CREB5: variants seen among roughly 807,000 people sequenced by gnomAD.
The protein encoded by CREB5 is cyclic AMP-responsive element-binding protein 5.
CREB5 carries 19 observed loss-of-function variants against 57.1 expected under a neutral mutation model. The observed-to-expected ratio is 0.33, with a 90% CI of 0.23 to 0.49. The LOEUF is 0.49. Ranked by LOEUF, CREB5 falls within the 20% of genes least tolerant of loss-of-function variation. CREB5 has a pLI of 0.99. For missense variants in CREB5, 579 were observed against 671.6 expected, an observed-to-expected ratio of 0.86 and a Z score of 1.52; for synonymous variants, 238 against 238.3, an observed-to-expected ratio of 1.00 and a Z score of 0.01.
Position 28,570,361 on chromosome 7 carries a change from G to A in CREB5, c.292-4G>A, listed in dbSNP as rs763592770. The A allele has an allele frequency of 6.2e-7, 1 of 1,611,094 alleles. No homozygotes were observed. Among genetic ancestry groups the A allele is most frequent in the South Asian group, 1.1e-5 (1 of 90,714 alleles). The stretch of plus-strand genomic sequence containing the variant: ...GACCTTTCCCCTGTGTCTTCTCTGG[G>A]CAGAATATCTCGATGCATAATGCAG... On this transcript the variant is annotated splice_polypyrimidine_tract_variant and splice_region_variant and intron_variant, in intron 4 of 10. Transcript: ENST00000357727.
chr7:28,747,156 C>T (rs761607205), intron 7 of CREB5, among the ~76,000 whole-genome samples: 3 of 151,792 alleles, frequency 2.0e-5, no homozygotes, highest in African/African-American at 4.8e-5. Flanking sequence ...TGAGGGTTGC[C>T]AGTGTGTATG....
At chr7:28,423,642 C>CTGTATTGGGGGATGG (rs1788369569) in intron 1 of CREB5, among the ~76,000 whole-genome samples, 1 of 150,558 alleles carries the variant, frequency 6.6e-6, no homozygotes, top group East Asian at 2.0e-4. Context: ...CTTTGTGGTG[C>CTGTATTGGGGGATGG]TGAATTGGGG....
chr7:28,329,873 AAAACC>A (rs1418616370), intron 1 of CREB5, among the ~76,000 whole-genome samples: 2 of 152,392 alleles, frequency 1.3e-5, no homozygotes, highest in Admixed American at 6.5e-5. Context: ...TCAGAGAAGT[AAAACC>A]AAACCAAACA....
At chr7:28,529,684 A>AAGTCAGAAG (rs996626519) in intron 4 of CREB5, among the ~76,000 whole-genome samples, 2 of 152,194 alleles carry the variant, frequency 1.3e-5, no homozygotes, top group African/African-American at 4.8e-5. Context: ...GAGGGAGAGC[A>AAGTCAGAAG]AGTCAGAAGG....
intron 7 of CREB5, among the ~76,000 whole-genome samples, chr7:28,756,316 G>A (rs1805293982): frequency 6.6e-6 from 1 of 152,118 alleles, no homozygotes. Flanking sequence ...ACTTTGGGAG[G>A]CCGAGGCGGG....
At chr7:28,627,297 G>A (rs1271798436) in intron 5 of CREB5, among the ~76,000 whole-genome samples, 1 of 152,216 alleles carries the variant, frequency 6.6e-6, no homozygotes, top group African/African-American at 2.4e-5. Context: ...AAGGCAACTT[G>A]GGACCTTGAT....
chr7:28,553,237 A>G (rs1794740800), intron 4 of CREB5, among the ~76,000 whole-genome samples: 1 of 152,200 alleles, frequency 6.6e-6, no homozygotes, highest in Non-Finnish European at 1.5e-5. Context: ...CAAATATATC[A>G]TGGGAGATGC....
intron 8 of CREB5, 38 bp downstream of exon 8, chr7:28,804,560 T>C: frequency 6.2e-7 from 1 of 1,602,636 alleles, no homozygotes; most frequent in South Asian, 1.1e-5. Context: ...CTTCTTATTC[T>C]CCTTCTTAAC....
intron 1 of CREB5, among the ~76,000 whole-genome samples, chr7:28,359,492 G>T (rs926549395): frequency 2.6e-5 from 4 of 152,116 alleles, no homozygotes; most frequent in African/African-American, 9.7e-5. Flanking sequence ...TTCAATAAAG[G>T]GTGTTGAGGA....
chr7:28,514,839 T>C (rs749276732), intron 4 of CREB5, among the ~76,000 whole-genome samples: 2 of 152,208 alleles, frequency 1.3e-5, no homozygotes, highest in Non-Finnish European at 2.9e-5. Flanking sequence ...ATGTCATGCC[T>C]GTGGCGGGTG....
At chr7:28,627,246 A>G (rs941036814) in intron 5 of CREB5, among the ~76,000 whole-genome samples, 6 of 152,252 alleles carry the variant, frequency 3.9e-5, no homozygotes, top group Admixed American at 3.9e-4. Flanking sequence ...CTGATAGCCC[A>G]GCATTTGATA....
chr7:28,350,392 T>C (rs1786163427), intron 1 of CREB5, among the ~76,000 whole-genome samples: 1 of 152,108 alleles, frequency 6.6e-6, no homozygotes, highest in South Asian at 2.1e-4. Flanking sequence ...ACTTTCCTTG[T>C]GGGAAAGCCC....
chr7:28,432,848 A>T (rs528520986), intron 1 of CREB5, among the ~76,000 whole-genome samples: 18 of 152,324 alleles, frequency 1.2e-4, no homozygotes, highest in African/African-American at 4.3e-4. Context: ...ACCAAAGATG[A>T]TCACATATGG....
intron 1 of CREB5, among the ~76,000 whole-genome samples, chr7:28,466,521 G>T (rs1790579261): frequency 6.6e-6 from 1 of 152,174 alleles, no homozygotes; most frequent in Non-Finnish European, 1.5e-5. Context: ...TTGTGGTGAG[G>T]ACTAAGTCAA....
intron 7 of CREB5, among the ~76,000 whole-genome samples, chr7:28,736,587 A>G (rs925113195): frequency 3.6e-4 from 55 of 152,184 alleles, no homozygotes; most frequent in African/African-American, 1.2e-3. Context: ...GACAGTGCCC[A>G]GGATCATTTA....
rs1436533604 is a variant in CREB5 at position 28,824,657 on chromosome 7, C to G, written c.*5378C>G. On this transcript the variant is annotated 3_prime_UTR_variant, in exon 11 of 11. Transcript: ENST00000357727. Reference sequence around the variant, plus strand: ...GTTGTGAAAATGAAAAAGTGAATGTCCATTCAAAATATTTTACTATTTCTT... The same window carrying G: ...GTTGTGAAAATGAAAAAGTGAATGTGCATTCAAAATATTTTACTATTTCTT... The G allele has an allele frequency of 6.6e-6, 1 of 152,556 alleles. No individual in the cohort carries two copies. Among genetic ancestry groups the G allele is most frequent in the Non-Finnish European group, 1.5e-5 (1 of 68,018 alleles). The allele number at this position is 152,556 out of a possible 1,614,324, so 9.5% of individuals were successfully genotyped here.
chr7:28,807,451 GA>G (rs939422743), intron 8 of CREB5, among the ~76,000 whole-genome samples: 1 of 151,970 alleles, frequency 6.6e-6, no homozygotes, highest in African/African-American at 2.4e-5. Flanking sequence ...TCCGTCTCAA[GA>G]AAAAAAGAAA....
At chr7:28,435,040 T>A (rs1242649877) in intron 1 of CREB5, among the ~76,000 whole-genome samples, 7 of 151,506 alleles carry the variant, frequency 4.6e-5, no homozygotes, top group African/African-American at 1.7e-4. Flanking sequence ...GTAATTCCTC[T>A]AAAAGCAGAG....
intron 7 of CREB5, among the ~76,000 whole-genome samples, chr7:28,773,192 CT>C (rs1562630886): frequency 6.6e-6 from 1 of 151,948 alleles, no homozygotes; most frequent in African/African-American, 2.4e-5. Flanking sequence ...CACTTTAAGA[CT>C]GTTTGTTTGA....
Sources: gnomAD v4.1 joint callset for allele counts (sites outside exome capture counted in the v4.1 genomes callset) on GRCh38, gnomAD v4.1.1 for gene constraint, MANE v1.5 for transcripts, NCBI Gene and HGNC (gene_info 2026-07-23, HGNC 2026-07-21) for gene names.